NCR1: variants seen among roughly 807,000 people sequenced by gnomAD.
NCR1 encodes NK cell-activating receptor.
NCR1 carries 30 observed loss-of-function variants against 32.5 expected under a neutral mutation model. The observed-to-expected ratio is 0.92, with a 90% CI of 0.69 to 1.25. The LOEUF (loss-of-function observed/expected upper bound fraction) is 1.25, where lower values mean the gene tolerates loss of function less well. Ranked by LOEUF, NCR1 falls within the 50% of genes most tolerant of loss-of-function variation. The probability of loss-of-function intolerance (pLI) is 0.00; values close to 1 mark genes in which losing one functional copy is unlikely to be tolerated. For synonymous variants in NCR1, 169 were observed against 143.4 expected, an observed-to-expected ratio of 1.18 and a Z score of -1.28; for missense variants, 369 against 380.7, an observed-to-expected ratio of 0.97 and a Z score of 0.26.
chr19:54,917,850 C>T (rs1182677691), downstream of NCR1, among the ~76,000 whole-genome samples: 1 of 152,200 alleles, frequency 6.6e-6, no homozygotes, highest in Admixed American at 6.6e-5. Flanking sequence ...CAGAAAGCAA[C>T]CACCTTACAC....
At chr19:54,904,379 G>T (rs1034681631), upstream of NCR1, among the ~76,000 whole-genome samples, 4 of 151,820 alleles carry the variant, frequency 2.6e-5, no homozygotes, top group African/African-American at 9.7e-5. Flanking sequence ...AGATACATGT[G>T]CAGGTTTTTT....
chr19:54,938,114 G>A, the NCR1 span: 2 of 1,614,084 alleles, frequency 1.2e-6, no homozygotes, highest in Non-Finnish European at 1.7e-6. Flanking sequence ...GAGTCACTCA[G>A]GAAGCTTTGT....
the NCR1 span, chr19:54,938,202 A>G: frequency 5.6e-6 from 9 of 1,613,974 alleles, no homozygotes; most frequent in African/African-American, 1.2e-4. Context: ...GAGAGCGAAG[A>G]TCCTGCCGAG....
At chr19:54,933,184 C>T in the NCR1 span, among the ~76,000 whole-genome samples, 3,277 of 152,028 alleles carry the variant, frequency 0.022, 100 homozygotes, top group African/African-American at 0.074. Context: ...CTTGTTCTGT[C>T]GCCCAGGCTG....
At chr19:54,912,311 C>A in intron 6 of NCR1, 93 bp downstream of exon 6, 1 of 1,313,362 alleles carries the variant, frequency 7.6e-7, no homozygotes, top group Non-Finnish European at 1.1e-6. Flanking sequence ...AAGAGGGTGT[C>A]CTTGGCCAGG....
At chr19:54,935,365 C>G in the NCR1 span, among the ~76,000 whole-genome samples, 1 of 151,942 alleles carries the variant, frequency 6.6e-6, no homozygotes, top group Non-Finnish European at 1.5e-5. Flanking sequence ...GTAGCTGGGA[C>G]TAGAAGGGGC....
chr19:54,926,465 T>C, the NCR1 span, among the ~76,000 whole-genome samples: 1 of 152,296 alleles, frequency 6.6e-6, no homozygotes, highest in South Asian at 2.1e-4. Flanking sequence ...CTTCTCTGCA[T>C]GGGAAATTCA....
chr19:54,901,002 AG>A, the NCR1 span, among the ~76,000 whole-genome samples: 6 of 151,764 alleles, frequency 4.0e-5, no homozygotes, highest in Admixed American at 3.9e-4. Flanking sequence ...TACCAAAAAA[AG>A]GCCGGGTGCG....
downstream of NCR1, among the ~76,000 whole-genome samples, chr19:54,919,951 C>G (rs1453712024): frequency 2.0e-5 from 3 of 152,030 alleles, no homozygotes; most frequent in Non-Finnish European, 4.4e-5. Flanking sequence ...CTCTGTATGG[C>G]CTGGTTTTTC....
chr19:54,936,453 T>TC, the NCR1 span: 2 of 1,602,622 alleles, frequency 1.2e-6, no homozygotes, highest in Non-Finnish European at 1.7e-6. Context: ...CAGAAGAGAT[T>TC]CCACTTGGAG....
intron 3 of NCR1, among the ~76,000 whole-genome samples, chr19:54,908,294 C>T (rs1315839893): frequency 2.0e-5 from 3 of 151,892 alleles, no homozygotes; most frequent in Non-Finnish European, 2.9e-5. Context: ...TCAGAGAGCA[C>T]GGGGTTGGGG....
chr19:54,919,744 G>T (rs999518263), downstream of NCR1, among the ~76,000 whole-genome samples: 1 of 94,202 alleles, frequency 1.1e-5, no homozygotes, highest in Non-Finnish European at 2.0e-5. Flanking sequence ...CCCCTTTCCC[G>T]GTCTGCTAAG....
the NCR1 span, among the ~76,000 whole-genome samples, chr19:54,928,435 G>A: frequency 6.6e-6 from 1 of 152,104 alleles, no homozygotes; most frequent in Admixed American, 6.6e-5. Context: ...ATTTGCTGGG[G>A]CTCCAGTAGT....
At chr19:54,898,302 G>A in the NCR1 span, among the ~76,000 whole-genome samples, 1 of 152,204 alleles carries the variant, frequency 6.6e-6, no homozygotes, top group Non-Finnish European at 1.5e-5. Context: ...ATCCCAGGCT[G>A]TGGACATTCC....
the NCR1 span, among the ~76,000 whole-genome samples, chr19:54,933,199 G>A: frequency 6.6e-6 from 1 of 152,116 alleles, no homozygotes; most frequent in African/African-American, 2.4e-5. Flanking sequence ...AGGCTGGAGT[G>A]CAGTGGTGCG....
At chr19:54,910,256 C>T (rs917861193) in intron 5 of NCR1, among the ~76,000 whole-genome samples, 191 bp downstream of exon 5, 9 of 151,802 alleles carry the variant, frequency 5.9e-5, no homozygotes, top group Non-Finnish European at 1.0e-4. Flanking sequence ...GCCAACATGG[C>T]GAAACCCTGT....
chr19:54,906,656 C>T lies in NCR1; in HGVS notation c.204C>T (p.Ala68=), dbSNP rs754198297. 28 of 1,614,038 alleles carry T rather than the reference C, an allele frequency of 1.7e-5. No homozygotes were observed. The highest frequency in any genetic ancestry group is 1.5e-4 in the South Asian group (14 of 91,090). ...YQLHFEGSLF[A]VDRPKPPERI... The stretch of plus-strand genomic sequence containing the variant: ...TGCACTTTGAAGGAAGCCTTTTTGC[C>T]GTGGACAGACCAAAACCCCCTGAGC... Residue 68 remains alanine, a synonymous_variant, in exon 3 of 7, where the codon GCC becomes GCT. Transcript: ENST00000291890.
chr19:54,929,541 C>T, the NCR1 span, among the ~76,000 whole-genome samples: 1 of 152,056 alleles, frequency 6.6e-6, no homozygotes, highest in South Asian at 2.1e-4. Flanking sequence ...ATGAAGAGCT[C>T]GCCATTCCAT....
At chr19:54,921,198 C>T in the NCR1 span, among the ~76,000 whole-genome samples, 1 of 152,102 alleles carries the variant, frequency 6.6e-6, no homozygotes, top group Admixed American at 6.6e-5. Flanking sequence ...TTGACTCAGC[C>T]CTACCTCTCA....
Sources: gnomAD v4.1 joint callset for allele counts (sites outside exome capture counted in the v4.1 genomes callset) on GRCh38, gnomAD v4.1.1 for gene constraint, MANE v1.5 for transcripts, NCBI Gene and HGNC (gene_info 2026-07-23, HGNC 2026-07-21) for gene names.